Variants in WDPCP observed in about 807,000 individuals in gnomAD.
WDPCP encodes WD repeat containing planar cell polarity effector, also known as WD repeat-containing and planar cell polarity effector protein fritz homolog.
In WDPCP, 71 loss-of-function variants were observed where a neutral mutation model predicts 93.1. That is an observed-to-expected ratio of 0.76 (90% CI 0.63 to 0.93). WDPCP has a LOEUF of 0.93. Ranked by LOEUF, WDPCP falls within the 40% of genes least tolerant of loss-of-function variation. WDPCP has a pLI of 0.00. For synonymous variants in WDPCP, 315 were observed against 315.0 expected, an observed-to-expected ratio of 1.00 and a Z score of 0.00; for missense variants, 844 against 887.4, an observed-to-expected ratio of 0.95 and a Z score of 0.62.
chr2:63,549,799 C>G (rs1335887895), intron 1 of WDPCP, among the ~76,000 whole-genome samples: 2 of 152,060 alleles, frequency 1.3e-5, no homozygotes, highest in Non-Finnish European at 2.9e-5. Context: ...CAAAACTATT[C>G]TCATAAACAG....
chr2:63,552,497 T>G (rs1300263932), intron 1 of WDPCP, among the ~76,000 whole-genome samples: 1 of 152,160 alleles, frequency 6.6e-6, no homozygotes. Context: ...TCAGGAAGAT[T>G]ATAAGGTATA....
intron 15 of WDPCP, among the ~76,000 whole-genome samples, chr2:63,167,837 G>T (rs1673098582): frequency 6.6e-6 from 1 of 152,118 alleles, no homozygotes. Context: ...GAGTTAGGCT[G>T]GGTGTGGTGG....
intron 2 of WDPCP, among the ~76,000 whole-genome samples, chr2:63,775,562 T>C (rs1670290103): frequency 6.6e-6 from 1 of 152,204 alleles, no homozygotes; most frequent in South Asian, 2.1e-4. Flanking sequence ...AGTCCATGTA[T>C]ACATCATTAA....
At chr2:63,773,465 G>A (rs1670259417) in intron 2 of WDPCP, among the ~76,000 whole-genome samples, 1 of 150,204 alleles carries the variant, frequency 6.7e-6, no homozygotes, top group South Asian at 2.1e-4. Context: ...AAGGGCACAA[G>A]GGGGGATTTC....
intron 1 of WDPCP, among the ~76,000 whole-genome samples, chr2:63,566,545 G>A (rs1240024041): frequency 8.5e-5 from 13 of 152,178 alleles, no homozygotes; most frequent in East Asian, 5.8e-4. Context: ...TCACAGGCGC[G>A]TCCTCAACCT....
At chr2:63,339,612 A>G (rs1575177804) in intron 12 of WDPCP, among the ~76,000 whole-genome samples, 2 of 152,296 alleles carry the variant, frequency 1.3e-5, no homozygotes, top group African/African-American at 2.4e-5. Flanking sequence ...GTTTTTCTAC[A>G]TATAGGATCA....
At chr2:63,538,513 G>T (rs1436925316) in intron 1 of WDPCP, among the ~76,000 whole-genome samples, 1 of 152,096 alleles carries the variant, frequency 6.6e-6, no homozygotes. Flanking sequence ...CTATGGGAGA[G>T]AAATTCATAC....
intron 1 of WDPCP, among the ~76,000 whole-genome samples, chr2:63,521,437 A>C (rs1403120523): frequency 6.6e-6 from 1 of 152,210 alleles, no homozygotes; most frequent in Admixed American, 6.5e-5. Context: ...ACTTTAAATC[A>C]ACAAAAATCA....
At chr2:63,696,303 C>A (rs931479341) in intron 2 of WDPCP, among the ~76,000 whole-genome samples, 3 of 56,634 alleles carry the variant, frequency 5.3e-5, no homozygotes, top group African/African-American at 2.3e-4. Context: ...GTTGCTAATA[C>A]CCCAGCAAGT....
the WDPCP span, among the ~76,000 whole-genome samples, chr2:63,834,929 A>T: frequency 6.6e-6 from 1 of 152,194 alleles, no homozygotes; most frequent in African/African-American, 2.4e-5. Context: ...GACTGATCCA[A>T]CAATGCATGC....
At chr2:63,662,464 C>T (rs1710236388) in intron 2 of WDPCP, among the ~76,000 whole-genome samples, 1 of 152,128 alleles carries the variant, frequency 6.6e-6, no homozygotes, top group Non-Finnish European at 1.5e-5. Context: ...ACATACCATT[C>T]ATTATTCACA....
chr2:63,198,317 T>C (rs972393313), intron 14 of WDPCP, among the ~76,000 whole-genome samples: 2 of 152,236 alleles, frequency 1.3e-5, no homozygotes, highest in Non-Finnish European at 2.9e-5. Context: ...AAAGAGTTTT[T>C]ACAGTATGTT....
At chr2:63,719,630 G>C (rs1411537351) in intron 2 of WDPCP, among the ~76,000 whole-genome samples, 2 of 152,144 alleles carry the variant, frequency 1.3e-5, no homozygotes, top group Non-Finnish European at 2.9e-5. Context: ...CGTGTGGTGG[G>C]TGGGCTGTGT....
intron 1 of WDPCP, among the ~76,000 whole-genome samples, chr2:63,536,424 G>A (rs202149248): frequency 9.9e-5 from 15 of 152,074 alleles, no homozygotes; most frequent in East Asian, 1.9e-4. Context: ...TGTTTACTGC[G>A]GCACTATTCA....
intron 10 of WDPCP, among the ~76,000 whole-genome samples, chr2:63,387,396 A>G (rs1366870958): frequency 1.3e-5 from 2 of 152,174 alleles, no homozygotes; most frequent in African/African-American, 4.8e-5. Context: ...AATCGTCTCA[A>G]TAGACACAGA....
At chr2:63,578,346 C>T (rs538660708) in intron 1 of WDPCP, among the ~76,000 whole-genome samples, 10 of 152,258 alleles carry the variant, frequency 6.6e-5, no homozygotes, top group East Asian at 1.9e-4. Flanking sequence ...CTACAGACAG[C>T]GCACAGCTCT....
At chr2:63,235,922 T>A (rs1462787842) in intron 14 of WDPCP, among the ~76,000 whole-genome samples, 1 of 152,092 alleles carries the variant, frequency 6.6e-6, no homozygotes, top group Non-Finnish European at 1.5e-5. Flanking sequence ...AGCATTCCCC[T>A]TAGGAACAGG....
intron 1 of WDPCP, among the ~76,000 whole-genome samples, chr2:63,546,559 A>G (rs1271177352): frequency 6.6e-6 from 1 of 152,234 alleles, no homozygotes; most frequent in Admixed American, 6.5e-5. Context: ...GCATACAGTT[A>G]CAGTCCAAAT....
chr2:63,549,335 T>C (rs905508839), intron 1 of WDPCP, among the ~76,000 whole-genome samples: 2 of 150,906 alleles, frequency 1.3e-5, no homozygotes, highest in Non-Finnish European at 1.5e-5. Flanking sequence ...CAAAGGAAAT[T>C]TGAAGTAATT....
Sources: gnomAD v4.1 joint callset for allele counts (sites outside exome capture counted in the v4.1 genomes callset) on GRCh38, gnomAD v4.1.1 for gene constraint, MANE v1.5 for transcripts, NCBI Gene and HGNC (gene_info 2026-07-23, HGNC 2026-07-21) for gene names.